EYA4: variants seen among roughly 807,000 people sequenced by gnomAD.
The protein encoded by EYA4 is EYA transcriptional coactivator and phosphatase 4.
Under a neutral mutation model 87.9 loss-of-function variants are expected in EYA4, and 31 were observed. The observed-to-expected ratio is 0.35, with a 90% CI of 0.27 to 0.48. The LOEUF (loss-of-function observed/expected upper bound fraction) is 0.48, where lower values mean the gene tolerates loss of function less well. Among genes scored for constraint, EYA4 ranks in the 20% least tolerant of loss-of-function variants. The pLI, the probability that EYA4 is intolerant of heterozygous loss-of-function variation, is 0.99. For synonymous variants in EYA4, 263 were observed against 270.6 expected, an observed-to-expected ratio of 0.97 and a Z score of 0.28; for missense variants, 678 against 761.4, an observed-to-expected ratio of 0.89 and a Z score of 1.29.
chr6:133,476,391 A>T (rs187258134), intron 11 of EYA4, among the ~76,000 whole-genome samples: 1 of 152,098 alleles, frequency 6.6e-6, no homozygotes, highest in African/African-American at 2.4e-5. Context: ...CCTTTGACCA[A>T]CAGCTCCCCA....
At chr6:133,356,582 T>C (rs1043365321) in intron 2 of EYA4, among the ~76,000 whole-genome samples, 4 of 152,138 alleles carry the variant, frequency 2.6e-5, no homozygotes, top group African/African-American at 9.7e-5. Context: ...GATCGTAGTG[T>C]CTACTCAGTT....
chr6:133,523,296 A>C (rs1273611129), intron 18 of EYA4, 119 bp downstream of exon 18: 1 of 1,047,532 alleles, frequency 9.5e-7, no homozygotes, highest in Non-Finnish European at 1.5e-6. Context: ...AGTTCAAATT[A>C]CAAAGTCCCC....
At chr6:133,312,000 A>G (rs963772657) in intron 2 of EYA4, among the ~76,000 whole-genome samples, 1 of 152,188 alleles carries the variant, frequency 6.6e-6, no homozygotes, top group Non-Finnish European at 1.5e-5. Flanking sequence ...GCTGTGAAGA[A>G]TAGGTTCATG....
chr6:133,288,575 C>T (rs1169903203), intron 2 of EYA4, among the ~76,000 whole-genome samples: 1 of 149,066 alleles, frequency 6.7e-6, no homozygotes, highest in African/African-American at 2.6e-5. Flanking sequence ...TGGTGAAGGC[C>T]TGCTGGGCCA....
At chr6:133,276,981 T>G (rs1030419959) in intron 2 of EYA4, among the ~76,000 whole-genome samples, 2 of 152,090 alleles carry the variant, frequency 1.3e-5, no homozygotes, top group Non-Finnish European at 2.9e-5. Context: ...AATCTTTATA[T>G]GATTCTAAAT....
rs1331156267 is a variant in EYA4, at chr6:133,481,582, C to T, written c.1090C>T (p.Pro364Ser). ...CCGGAAAAATAATCCCTCCCCGCCTCCTGATAGTGACCTGGAGGTATGCCT... is the reference window on the plus strand; with the variant it reads ...CCGGAAAAATAATCCCTCCCCGCCTTCTGATAGTGACCTGGAGGTATGCCT... ...RGRKNNPSPP[P>S]DSDLERVFVW... The change falls in exon 12 of 20, where the codon CCT (proline) becomes TCT (serine). Residue 364 changes from proline to serine, a missense_variant. Pro to Ser is a moderately conservative substitution (Grantham distance 74). Coordinates refer to ENST00000355286, the MANE Select transcript of EYA4 (RefSeq NM_004100.5). The T allele has an allele frequency of 3.1e-6, 5 of 1,613,862 alleles. No individual in the cohort carries two copies. Among genetic ancestry groups the T allele is most frequent in the Non-Finnish European group, 4.2e-6 (5 of 1,179,952 alleles).
chr6:133,485,409 T>C (rs1201789552), intron 13 of EYA4, among the ~76,000 whole-genome samples: 1 of 152,002 alleles, frequency 6.6e-6, no homozygotes, highest in Non-Finnish European at 1.5e-5. Flanking sequence ...TCCCACAGGA[T>C]GAAGGGGTAG....
At chr6:133,241,009 G>C (rs1773897043), upstream of EYA4, among the ~76,000 whole-genome samples, 2 of 151,338 alleles carry the variant, frequency 1.3e-5, no homozygotes, top group South Asian at 4.2e-4. Flanking sequence ...CCTCAGCCTG[G>C]AGGCTGCAGC....
At chr6:133,391,437 G>A (rs911732835) in intron 3 of EYA4, among the ~76,000 whole-genome samples, 1 of 151,984 alleles carries the variant, frequency 6.6e-6, no homozygotes, top group African/African-American at 2.4e-5. Context: ...AATTTCAGAA[G>A]GTATGGGAGA....
At chr6:133,365,309 A>C (rs1464666181) in intron 2 of EYA4, among the ~76,000 whole-genome samples, 1 of 152,152 alleles carries the variant, frequency 6.6e-6, no homozygotes, top group Admixed American at 6.5e-5. Flanking sequence ...GACCTTTCAT[A>C]ATTCTTGACA....
At position 133,331,702 on chromosome 6, in the gene EYA4, TAG is replaced by T. The variant is rs574651497; in HGVS notation, c.34-50683_34-50682del. Among the ~76,000 whole-genome samples, 3 of 152,302 alleles carry T rather than the reference TAG, an allele frequency of 2.0e-5. No homozygotes were observed. The South Asian group carries it at 6.2e-4, about 32-fold the overall frequency. On this transcript the variant is annotated intron_variant, in intron 2 of 19. Transcript: ENST00000355286. ...ATGGCTTGATTTTTATTTCAGAACCTAGAGAGAGGATAATTGACCAATACCTT... is the reference window on the plus strand; with the variant it reads ...ATGGCTTGATTTTTATTTCAGAACCTAGAGAGGATAATTGACCAATACCTT...
intron 1 of EYA4, among the ~76,000 whole-genome samples, chr6:133,253,540 C>T (rs370203716): frequency 3.9e-5 from 6 of 152,026 alleles, no homozygotes; most frequent in Admixed American, 1.3e-4. Context: ...CTTATAATGC[C>T]GTCAGTCACT....
chr6:133,361,380 G>A (rs531900721), intron 2 of EYA4, among the ~76,000 whole-genome samples: 9 of 152,294 alleles, frequency 5.9e-5, no homozygotes, highest in African/African-American at 1.7e-4. Flanking sequence ...TCAATTGCAT[G>A]TACAGGTGTC....
chr6:133,255,335 AT>A (rs1263112295), intron 1 of EYA4, among the ~76,000 whole-genome samples: 2 of 152,156 alleles, frequency 1.3e-5, no homozygotes, highest in Non-Finnish European at 2.9e-5. Flanking sequence ...TTTGAGAGGA[AT>A]GACCAGAGGG....
Position 133,422,829 on chromosome 6 carries a change from C to A in EYA4, c.84-23801C>A, listed in dbSNP as rs574949301. Among the ~76,000 whole-genome samples the A allele has an allele frequency of 1.1e-4, 17 of 152,230 alleles. No homozygotes were observed. In the South Asian group the frequency reaches 2.7e-3, roughly 24 times the overall value. ...CTTTAGTTCCCTCAACCCAGAATAC[C>A]CTTGGAATTGCCCCTTCTGACTTGG... On this transcript the variant is annotated intron_variant, in intron 3 of 19. Transcript: ENST00000355286.
chr6:133,266,498 T>C (rs1322819553), intron 1 of EYA4, among the ~76,000 whole-genome samples: 2 of 152,186 alleles, frequency 1.3e-5, no homozygotes, highest in Non-Finnish European at 2.9e-5. Flanking sequence ...TGGTACTTTG[T>C]TATAGGAGTC....
intron 3 of EYA4, among the ~76,000 whole-genome samples, chr6:133,429,444 G>A (rs568954525): frequency 4.4e-4 from 67 of 152,202 alleles, no homozygotes; most frequent in South Asian, 3.3e-3. Context: ...TTAAGGAGAG[G>A]CGGAAAAATG....
At chr6:133,480,219 C>G (rs1228200988) in intron 11 of EYA4, among the ~76,000 whole-genome samples, 2 of 152,094 alleles carry the variant, frequency 1.3e-5, no homozygotes, top group African/African-American at 4.8e-5. Context: ...GATTCTAGAA[C>G]TAGGAGAGTG....
At chr6:133,323,611 G>T (rs1045977125) in intron 2 of EYA4, among the ~76,000 whole-genome samples, 1 of 152,012 alleles carries the variant, frequency 6.6e-6, no homozygotes, top group Non-Finnish European at 1.5e-5. Flanking sequence ...TTGCATATAT[G>T]TAATAAAAAT....
Sources: gnomAD v4.1 joint callset for allele counts (sites outside exome capture counted in the v4.1 genomes callset) on GRCh38, gnomAD v4.1.1 for gene constraint, MANE v1.5 for transcripts, NCBI Gene and HGNC (gene_info 2026-07-23, HGNC 2026-07-21) for gene names.